DNAJC6: variants seen among roughly 807,000 people sequenced by gnomAD.
DNAJC6 encodes the protein auxilin.
In DNAJC6, 34 loss-of-function variants were observed where a neutral mutation model predicts 110.0. That is an observed-to-expected ratio of 0.31 (90% CI 0.24 to 0.41). The LOEUF is 0.41. DNAJC6 is among the 10% of genes least tolerant of loss of function. The pLI is 1.00. For synonymous variants in DNAJC6, 406 were observed against 437.2 expected, an observed-to-expected ratio of 0.93 and a Z score of 0.89; for missense variants, 1,031 against 1,207.8, an observed-to-expected ratio of 0.85 and a Z score of 2.17.
At chr1:65,404,116 A>C (rs1348169841) in intron 15 of DNAJC6, among the ~76,000 whole-genome samples, 1 of 152,232 alleles carries the variant, frequency 6.6e-6, no homozygotes, top group Non-Finnish European at 1.5e-5. Context: ...TGCTATTGGC[A>C]GGAGGGCTCT....
At chr1:65,280,395 G>T (rs1749965) in intron 1 of DNAJC6, among the ~76,000 whole-genome samples, 1 of 151,982 alleles carries the variant, frequency 6.6e-6, no homozygotes, top group Non-Finnish European at 1.5e-5. Context: ...ATACTGCCAT[G>T]TTATATTTTG....
Position 65,272,312 on chromosome 1 carries a change from T to C in DNAJC6, c.-131+7380T>C, listed in dbSNP as rs529726301. Among the ~76,000 whole-genome samples, 34 of 152,340 alleles carry C rather than the reference T, an allele frequency of 2.2e-4. 1 individual carries two copies. Among genetic ancestry groups the C allele is most frequent in the African/African-American group, 6.5e-4 (27 of 41,602 alleles). On this transcript the variant is annotated intron_variant, in intron 1 of 19. Coordinates refer to the DNAJC6 transcript ENST00000263441. ...ATTTTTCTGTATTATGTGCATCATA[T>C]GATTATTTTATTCTGTTAATATGGT...
chr1:65,333,877 G>C (rs933178399), intron 1 of DNAJC6, among the ~76,000 whole-genome samples: 1 of 152,100 alleles, frequency 6.6e-6, no homozygotes, highest in African/African-American at 2.4e-5. Flanking sequence ...AGGATTTGTA[G>C]GTTGTTTGCA....
intron 1 of DNAJC6, among the ~76,000 whole-genome samples, chr1:65,285,426 C>T (rs1653984903): frequency 6.6e-6 from 1 of 152,106 alleles, no homozygotes. Context: ...TGTCAAAGAC[C>T]CTTTCCCACA....
chr1:65,307,564 T>C (rs898456764), upstream of DNAJC6, among the ~76,000 whole-genome samples: 6 of 152,194 alleles, frequency 3.9e-5, no homozygotes, highest in Non-Finnish European at 5.9e-5. Flanking sequence ...TCTCAGTCTG[T>C]CACTGAGGCT....
chr1:65,300,026 G>A (rs1321954238), intron 1 of DNAJC6, among the ~76,000 whole-genome samples: 2 of 130,848 alleles, frequency 1.5e-5, no homozygotes, highest in Admixed American at 1.7e-4. Flanking sequence ...GGCAACAAGA[G>A]TGTGAAAACT....
chr1:65,372,300 C>T (rs1235328571), intron 4 of DNAJC6, among the ~76,000 whole-genome samples: 1 of 152,086 alleles, frequency 6.6e-6, no homozygotes, highest in Non-Finnish European at 1.5e-5. Context: ...CCTGTTCCCT[C>T]CTCAAGATAT....
chr1:65,328,750 G>C (rs893762038), intron 1 of DNAJC6, among the ~76,000 whole-genome samples: 2 of 152,202 alleles, frequency 1.3e-5, no homozygotes, highest in Non-Finnish European at 2.9e-5. Flanking sequence ...GAGTTGGGAA[G>C]GACTTAGCAG....
At chr1:65,377,169 G>T (rs1361712769) in intron 4 of DNAJC6, among the ~76,000 whole-genome samples, 1 of 152,194 alleles carries the variant, frequency 6.6e-6, no homozygotes, top group Non-Finnish European at 1.5e-5. Context: ...CAGCAGTTGG[G>T]TAAAATATTC....
chr1:65,305,161 G>A (rs762375202), upstream of DNAJC6, among the ~76,000 whole-genome samples: 35 of 152,216 alleles, frequency 2.3e-4, no homozygotes, highest in Non-Finnish European at 4.4e-4. Flanking sequence ...AGAGAACAGA[G>A]TAGAAGCTCT....
At chr1:65,348,057 G>A (rs1324299489) in intron 1 of DNAJC6, among the ~76,000 whole-genome samples, 1 of 152,122 alleles carries the variant, frequency 6.6e-6, no homozygotes, top group African/African-American at 2.4e-5. Flanking sequence ...CTCTATTCAA[G>A]CATATGGCAA....
At chr1:65,391,856 CA>C (rs1452458801) in intron 11 of DNAJC6, among the ~76,000 whole-genome samples, 3 of 152,138 alleles carry the variant, frequency 2.0e-5, no homozygotes, top group Non-Finnish European at 2.9e-5. Context: ...TGGCTCATTG[CA>C]ACCTCTACCT....
At chr1:65,311,720 A>G (rs1026392252) in intron 1 of DNAJC6, among the ~76,000 whole-genome samples, 1 of 152,248 alleles carries the variant, frequency 6.6e-6, no homozygotes, top group African/African-American at 2.4e-5. Flanking sequence ...GAAAACAAAC[A>G]TATTCCAAAT....
intron 1 of DNAJC6, among the ~76,000 whole-genome samples, chr1:65,339,983 C>A (rs539701669): frequency 3.1e-4 from 47 of 152,314 alleles, no homozygotes; most frequent in African/African-American, 1.1e-3. Context: ...TTGCACAAAT[C>A]ACAATTTAAT....
chr1:65,311,874 T>C (rs1645104931), intron 1 of DNAJC6, among the ~76,000 whole-genome samples: 2 of 152,210 alleles, frequency 1.3e-5, no homozygotes, highest in African/African-American at 4.8e-5. Flanking sequence ...ATACATTTTC[T>C]GAGCCCAGCT....
upstream of DNAJC6, among the ~76,000 whole-genome samples, chr1:65,305,994 T>G (rs559608084): frequency 6.6e-6 from 1 of 152,012 alleles, no homozygotes; most frequent in East Asian, 1.9e-4. Context: ...AGGAGAAAAA[T>G]GAGGCAGAGA....
intron 1 of DNAJC6, among the ~76,000 whole-genome samples, chr1:65,336,687 T>C (rs1368439844): frequency 6.6e-6 from 1 of 152,172 alleles, no homozygotes; most frequent in African/African-American, 2.4e-5. Context: ...CTGGGCATGA[T>C]AGCATGAACT....
At chr1:65,403,441 C>T (rs1264653855) in intron 15 of DNAJC6, among the ~76,000 whole-genome samples, 2 of 152,184 alleles carry the variant, frequency 1.3e-5, no homozygotes, top group Non-Finnish European at 2.9e-5. Flanking sequence ...TACCCTTGAG[C>T]ATTAATTCCC....
intron 1 of DNAJC6, chr1:65,345,629 C>A: frequency 1.0e-6 from 1 of 984,218 alleles, no homozygotes; most frequent in Non-Finnish European, 1.2e-6. Flanking sequence ...ATTATTGAGT[C>A]GAGAATTTTT....
Sources: gnomAD v4.1 joint callset for allele counts (sites outside exome capture counted in the v4.1 genomes callset) on GRCh38, gnomAD v4.1.1 for gene constraint, MANE v1.5 for transcripts, NCBI Gene and HGNC (gene_info 2026-07-23, HGNC 2026-07-21) for gene names.